TAFA4: variants seen among roughly 807,000 people sequenced by gnomAD.
TAFA4 encodes the protein TAFA chemokine like family member 4.
A neutral mutation model predicts 21.1 loss-of-function variants in TAFA4; 20 were observed. The observed-to-expected ratio is 0.95, with a 90% CI of 0.67 to 1.38. The LOEUF (loss-of-function observed/expected upper bound fraction) is 1.38. TAFA4 is among the 40% of genes most tolerant of loss of function. The pLI is 0.00. For synonymous variants in TAFA4, 71 were observed against 67.4 expected (o/e 1.05, Z -0.26); for missense variants, 211 against 180.9 (o/e 1.17, Z -0.95).
chr3:68,916,111 T>C (rs1050324717), intron 1 of TAFA4: 1 of 152,196 alleles, frequency 6.6e-6, no homozygotes, highest in Non-Finnish European at 1.5e-5. Context: ...GTTTAAGAAA[T>C]GTTGTGAGGT....
intron 4 of TAFA4, among the ~76,000 whole-genome samples, chr3:68,743,067 C>T (rs987133016): frequency 5.3e-5 from 8 of 152,126 alleles, no homozygotes; most frequent in African/African-American, 1.9e-4. Flanking sequence ...CACATTGTAC[C>T]CGATTCTGGC....
At chr3:68,785,815 G>T (rs1415211416) in intron 3 of TAFA4, among the ~76,000 whole-genome samples, 2 of 152,234 alleles carry the variant, frequency 1.3e-5, no homozygotes, top group African/African-American at 4.8e-5. Context: ...GGGCTGTGAG[G>T]ACTGCCAGCA....
intron 3 of TAFA4, among the ~76,000 whole-genome samples, chr3:68,800,248 T>G (rs140745143): frequency 2.0e-5 from 3 of 152,192 alleles, no homozygotes; most frequent in Admixed American, 6.5e-5. Context: ...TACTCTCTGG[T>G]GCCAAAAATG....
intron 3 of TAFA4, among the ~76,000 whole-genome samples, chr3:68,846,555 C>T (rs909396177): frequency 1.1e-4 from 16 of 152,100 alleles, no homozygotes; most frequent in African/African-American, 3.6e-4. Flanking sequence ...AGTTTTGTTC[C>T]GTTGCTGGCA....
chr3:68,806,884 T>C (rs567620236), intron 3 of TAFA4, among the ~76,000 whole-genome samples: 8 of 152,266 alleles, frequency 5.3e-5, no homozygotes, highest in African/African-American at 1.9e-4. Context: ...TGAATTTCTG[T>C]CAAGCCACTC....
At chr3:68,868,799 G>T (rs114485338) in intron 3 of TAFA4, among the ~76,000 whole-genome samples, 3,223 of 151,860 alleles carry the variant, frequency 0.021, 120 homozygotes, top group African/African-American at 0.074. Context: ...AGTAGAACAA[G>T]TTCAAATAAA....
chr3:68,766,046 TAAAC>T (rs2106774655), intron 3 of TAFA4, among the ~76,000 whole-genome samples: 1 of 151,098 alleles, frequency 6.6e-6, no homozygotes, highest in Non-Finnish European at 1.5e-5. Flanking sequence ...CCAAAATAAA[TAAAC>T]AGAAAAGATA....
At chr3:68,771,608 T>G (rs1468836521) in intron 3 of TAFA4, among the ~76,000 whole-genome samples, 4 of 152,190 alleles carry the variant, frequency 2.6e-5, no homozygotes, top group Admixed American at 2.6e-4. Flanking sequence ...ATTCGTATTA[T>G]CAAAAGTACC....
chr3:68,896,526 T>C (rs1381829072), intron 1 of TAFA4, among the ~76,000 whole-genome samples: 2 of 152,220 alleles, frequency 1.3e-5, no homozygotes, highest in Admixed American at 1.3e-4. Flanking sequence ...TTACCAGTCT[T>C]GCAATATGCC....
At chr3:68,823,276 A>G (rs1311579566) in intron 3 of TAFA4, among the ~76,000 whole-genome samples, 1 of 152,202 alleles carries the variant, frequency 6.6e-6, no homozygotes, top group Non-Finnish European at 1.5e-5. Flanking sequence ...AACGATGAAT[A>G]CAAGCACTAA....
At chr3:68,920,672 G>A (rs929324462) in intron 1 of TAFA4, among the ~76,000 whole-genome samples, 8 of 102,726 alleles carry the variant, frequency 7.8e-5, no homozygotes, top group Admixed American at 1.1e-4. Flanking sequence ...TACAACTTGT[G>A]TATTCCCTGC....
At chr3:68,808,376 C>A (rs993733099) in intron 3 of TAFA4, among the ~76,000 whole-genome samples, 3 of 152,148 alleles carry the variant, frequency 2.0e-5, no homozygotes, top group African/African-American at 7.2e-5. Flanking sequence ...TAACAGTTGT[C>A]CTAGAATGAA....
intron 3 of TAFA4, among the ~76,000 whole-genome samples, chr3:68,757,443 C>T (rs1407215155): frequency 6.6e-6 from 1 of 152,134 alleles, no homozygotes; most frequent in Non-Finnish European, 1.5e-5. Flanking sequence ...CAGTCCATAA[C>T]AAACCATCAT....
chr3:68,891,082 C>T (rs1287152555), intron 1 of TAFA4, among the ~76,000 whole-genome samples: 1 of 152,100 alleles, frequency 6.6e-6, no homozygotes, highest in Non-Finnish European at 1.5e-5. Context: ...TTTTTTTAAA[C>T]AGATGGAAAA....
At chr3:68,795,988 G>C (rs546085562) in intron 3 of TAFA4, among the ~76,000 whole-genome samples, 9 of 152,196 alleles carry the variant, frequency 5.9e-5, no homozygotes, top group Admixed American at 5.9e-4. Flanking sequence ...TCTTGGAGAA[G>C]AGCTGGAAGA....
At chr3:68,752,533 G>C (rs920966924) in intron 4 of TAFA4, among the ~76,000 whole-genome samples, 1 of 152,188 alleles carries the variant, frequency 6.6e-6, no homozygotes, top group African/African-American at 2.4e-5. Flanking sequence ...ATTTTGAGTA[G>C]AGAGCATAAG....
intron 1 of TAFA4, among the ~76,000 whole-genome samples, chr3:68,909,320 C>G (rs1424122336): frequency 6.6e-6 from 1 of 152,156 alleles, no homozygotes; most frequent in Middle Eastern, 3.2e-3. Flanking sequence ...AAGAGAATAT[C>G]CATGGCGCTG....
chr3:68,839,299 G>A (rs1052629084), intron 3 of TAFA4, among the ~76,000 whole-genome samples: 2 of 152,156 alleles, frequency 1.3e-5, no homozygotes, highest in African/African-American at 4.8e-5. Flanking sequence ...GCAAAGACCT[G>A]AATGAAGTGA....
intron 3 of TAFA4, among the ~76,000 whole-genome samples, chr3:68,770,647 T>C (rs1387898242): frequency 1.3e-5 from 2 of 152,158 alleles, no homozygotes; most frequent in Non-Finnish European, 2.9e-5. Flanking sequence ...CTTCATACAT[T>C]TTTAAAAATT....
Sources: allele counts gnomAD v4.1 joint callset (sites outside exome capture counted in the v4.1 genomes callset), GRCh38; gene constraint gnomAD v4.1.1; transcripts MANE v1.5; gene names NCBI Gene and HGNC (gene_info 2026-07-23, HGNC 2026-07-21).